Variants in WDR12 observed in about 807,000 individuals in gnomAD.
WDR12 encodes the protein WD repeat domain 12, also known as ribosome biogenesis protein WDR12.
WDR12 carries 42 observed loss-of-function variants against 64.3 expected under a neutral mutation model. That is an observed-to-expected ratio of 0.65 (90% CI 0.51 to 0.84). The LOEUF (loss-of-function observed/expected upper bound fraction) is 0.84, where lower values mean the gene tolerates loss of function less well. Ranked by LOEUF, WDR12 falls within the 40% of genes least tolerant of loss-of-function variation. WDR12 has a pLI of 0.00. For missense variants in WDR12, 469 were observed against 494.6 expected, an observed-to-expected ratio of 0.95 and a Z score of 0.49; for synonymous variants, 158 against 173.3, an observed-to-expected ratio of 0.91 and a Z score of 0.70.
chr2:202,888,724 T>C (rs1486508747), intron 8 of WDR12, among the ~76,000 whole-genome samples: 2 of 152,148 alleles, frequency 1.3e-5, no homozygotes. Flanking sequence ...TTTTCTTTGC[T>C]TTTTTTGAGA....
intron 5 of WDR12, 127 bp from the exon 6 acceptor site, chr2:202,896,346 T>C: frequency 9.5e-7 from 1 of 1,054,826 alleles, no homozygotes; most frequent in Non-Finnish European, 1.3e-6. Context: ...ATAACTCATA[T>C]GGCCAGGTTT....
chr2:202,876,821 G>C lies in WDR12; in HGVS notation c.*4039C>G, dbSNP rs1418001668. 6.6e-6 allele frequency: 1 copy of C among 152,234 alleles called. No individual in the cohort carries two copies. Among genetic ancestry groups the C allele is most frequent in the Non-Finnish European group, 1.5e-5 (1 of 68,038 alleles). The allele number at this position is 152,234 out of a possible 1,614,324, so 9.4% of individuals were successfully genotyped here. On this transcript the variant is annotated 3_prime_UTR_variant, in exon 13 of 13. Coordinates refer to ENST00000261015, the MANE Select transcript of WDR12 (RefSeq NM_018256.4). ...GTGGTGACATGCGCCTGTGGTCCTA[G>C]TTAGGAGGATGAGGTGGGAGGATCC...
intron 8 of WDR12, among the ~76,000 whole-genome samples, chr2:202,890,250 T>C (rs899523370): frequency 6.6e-6 from 1 of 151,918 alleles, no homozygotes; most frequent in Non-Finnish European, 1.5e-5. Flanking sequence ...AATTGTGGCA[T>C]ATTGATGCTG....
At chr2:202,893,663 G>T (rs1027573561) in intron 7 of WDR12, among the ~76,000 whole-genome samples, 2 of 152,096 alleles carry the variant, frequency 1.3e-5, no homozygotes, top group Admixed American at 6.6e-5. Context: ...AGTAACAGAG[G>T]TATTCTGATT....
chr2:202,886,177 C>T (rs1175975659), intron 8 of WDR12, among the ~76,000 whole-genome samples: 1 of 150,970 alleles, frequency 6.6e-6, no homozygotes, highest in African/African-American at 2.4e-5. Flanking sequence ...AGAGAGGAGG[C>T]CACACACGGT....
rs117381578 is a variant in WDR12 at position 202,900,397 on chromosome 2, G to A, written c.231+628C>T. ...AAGAAAAAAAGCACATTGTTTAATG[G>A]GTACAGGTCTTCTGTTTAGGATAAG... On this transcript the variant is annotated intron_variant, in intron 3 of 12. Coordinates refer to ENST00000261015, the MANE Select transcript of WDR12 (RefSeq NM_018256.4). Among the ~76,000 whole-genome samples, 146 of 151,952 alleles carry A rather than the reference G, an allele frequency of 9.6e-4. 1 individual carries two copies. In the East Asian group the frequency reaches 0.024, roughly 25 times the overall value.
intron 5 of WDR12, 24 bp from the exon 6 acceptor site, chr2:202,896,243 TA>T (rs941485162): frequency 1.2e-6 from 2 of 1,607,638 alleles, no homozygotes; most frequent in African/African-American, 2.7e-5. Context: ...AACACAAGAA[TA>T]AGAAACAAAT....
intron 2 of WDR12, among the ~76,000 whole-genome samples, chr2:202,904,488 A>T (rs1202647464): frequency 6.6e-6 from 1 of 152,222 alleles, no homozygotes; most frequent in African/African-American, 2.4e-5. Flanking sequence ...TGGCATAAAA[A>T]CAGACACATA....
chr2:202,898,264 C>T (rs372598055), intron 4 of WDR12, among the ~76,000 whole-genome samples: 1 of 152,136 alleles, frequency 6.6e-6, no homozygotes, highest in African/African-American at 2.4e-5. Flanking sequence ...GATTCTCCTG[C>T]CTCAGCCTCC....
chr2:202,887,181 G>A (rs556034135), intron 8 of WDR12, among the ~76,000 whole-genome samples: 285 of 152,052 alleles, frequency 1.9e-3, no homozygotes, highest in African/African-American at 5.6e-3. Context: ...GTGCCACCAC[G>A]CCTGGCTAAC....
rs779419072 is a variant in WDR12, at chr2:202,899,032, G to GTT, written c.338+497_338+498dup. On this transcript the variant is annotated intron_variant, in intron 4 of 12. Coordinates refer to ENST00000261015, the MANE Select transcript of WDR12 (RefSeq NM_018256.4). ...GAGTACCTATTAATAAATACCTGTG[G>GTT]TTTTTTTTTTTTTTTTTTTTTTTTT... 5.3e-4 allele frequency among the ~76,000 whole-genome samples: 39 copies of GTT among 73,648 alleles called. 2 individuals carry two copies. The highest frequency in any genetic ancestry group is 1.1e-3 in the African/African-American group (20 of 18,490). The allele number at this position is 73,648 out of a possible 152,430, so 48.3% of individuals were successfully genotyped here.
chr2:202,897,888 CAAAAA>C (rs10637220), intron 4 of WDR12, among the ~76,000 whole-genome samples: 64 of 74,184 alleles, frequency 8.6e-4, no homozygotes, highest in Admixed American at 3.9e-3. Flanking sequence ...GACTCCGTTT[CAAAAA>C]AAAAAAAAAA....
At position 202,884,435 on chromosome 2, in the gene WDR12, C is replaced by CT. The variant is rs1216244105; in HGVS notation, c.841dup (p.Arg281LysfsTer6). On this transcript the variant is annotated frameshift_variant, in exon 9 of 13. Coordinates refer to ENST00000261015, the MANE Select transcript of WDR12 (RefSeq NM_018256.4). LOFTEE classifies it high-confidence loss of function. ...ACTGCCAGACTCAACATCCCACACT[C>CT]TAATTGTATGGTCCCAAGATGCACT... 2.5e-6 allele frequency: 4 copies of CT among 1,614,078 alleles called. No individual in the cohort carries two copies. Among genetic ancestry groups the CT allele is most frequent in the African/African-American group, 2.7e-5 (2 of 74,932 alleles).
rs1245723935 is a variant in WDR12, at chr2:202,884,264, G to C, written c.922C>G (p.Leu308Val). ...KVFNCISYSP[L>V]CKRLASGSTD... ...CTTCCAGATGCTAAACGTTTACAAA[G>C]TGGAGAATAGGAAATACAATTAAAC... Residue 308 changes from leucine to valine, a missense_variant, in exon 10 of 13, where the codon CTT becomes GTT. Coordinates refer to ENST00000261015, the MANE Select transcript of WDR12 (RefSeq NM_018256.4). 2 of 1,613,890 alleles carry C rather than the reference G, an allele frequency of 1.2e-6. No individual in the cohort carries two copies. The highest frequency in any genetic ancestry group is 2.7e-5 in the African/African-American group (2 of 74,930).
chr2:202,910,119 T>C (rs1457103495), intron 1 of WDR12, among the ~76,000 whole-genome samples: 1 of 152,174 alleles, frequency 6.6e-6, no homozygotes, highest in African/African-American at 2.4e-5. Context: ...TCTACATTTT[T>C]TTACCTTTTG....
At chr2:202,902,649 G>A (rs1308505063) in intron 2 of WDR12, among the ~76,000 whole-genome samples, 1 of 150,634 alleles carries the variant, frequency 6.6e-6, no homozygotes, top group African/African-American at 2.4e-5. Context: ...TGGTTTGCCA[G>A]GGATTCTCAG....
rs1688487979 is a variant in WDR12 at position 202,907,853 on chromosome 2, A to AT, written c.136+11dup. ...AGGGACACTGTGCCCTCTCCTAAGC[A>AT]TATATACCCACCATTTTTGTCCTTT... On this transcript the variant is annotated intron_variant, in intron 2 of 12. Transcript: ENST00000261015. 6 of 1,602,300 alleles carry AT rather than the reference A, an allele frequency of 3.7e-6. No individual in the cohort carries two copies. The highest frequency in any genetic ancestry group is 5.1e-6 in the Non-Finnish European group (6 of 1,169,806).
At chr2:202,898,559 A>C (rs1162738799) in intron 4 of WDR12, among the ~76,000 whole-genome samples, 1 of 152,206 alleles carries the variant, frequency 6.6e-6, no homozygotes, top group Non-Finnish European at 1.5e-5. Context: ...TCTTTGAAAG[A>C]AGCTCCTACC....
intron 8 of WDR12, among the ~76,000 whole-genome samples, chr2:202,890,333 C>G (rs1199333994): frequency 6.6e-6 from 1 of 152,164 alleles, no homozygotes; most frequent in African/African-American, 2.4e-5. Flanking sequence ...ATAGGTAAAA[C>G]TAATCTAAGA....
Sources: allele counts gnomAD v4.1 joint callset (sites outside exome capture counted in the v4.1 genomes callset), GRCh38; gene constraint gnomAD v4.1.1; transcripts MANE v1.5; gene names NCBI Gene and HGNC (gene_info 2026-07-23, HGNC 2026-07-21).